RFPL1: variants seen among roughly 807,000 people sequenced by gnomAD.
RFPL1 encodes ret finger protein-like 1.
RFPL1 carries 6 observed loss-of-function variants against 9.6 expected under a neutral mutation model. The observed-to-expected ratio is 0.62, with a 90% confidence interval of 0.34 to 1.23. The LOEUF (loss-of-function observed/expected upper bound fraction) is 1.23. Among genes scored for constraint, RFPL1 ranks in the 50% most tolerant of loss-of-function variants. The pLI is 0.03. For missense variants in RFPL1, 352 were observed against 398.4 expected (o/e 0.88, Z 0.99); for synonymous variants, 145 against 149.4 (o/e 0.97, Z 0.22).
At chr22:29,403,851 C>T in the RFPL1 span, among the ~76,000 whole-genome samples, 3 of 152,290 alleles carry the variant, frequency 2.0e-5, no homozygotes, top group African/African-American at 7.2e-5. Context: ...CTCGACTCCA[C>T]GAAGGGGAAT....
the RFPL1 span, among the ~76,000 whole-genome samples, chr22:29,427,288 C>T: frequency 1.3e-5 from 2 of 152,128 alleles, no homozygotes; most frequent in Non-Finnish European, 2.9e-5. Flanking sequence ...GTGTCTCTGA[C>T]CTCAGGCTGT....
chr22:29,405,972 G>A, the RFPL1 span, among the ~76,000 whole-genome samples: 2 of 150,540 alleles, frequency 1.3e-5, no homozygotes, highest in Non-Finnish European at 3.0e-5. Context: ...AGCCGGGCGC[G>A]GTGGCAGGCG....
At chr22:29,395,176 G>A in the RFPL1 span, among the ~76,000 whole-genome samples, 7 of 152,092 alleles carry the variant, frequency 4.6e-5, no homozygotes, top group East Asian at 1.9e-4. Flanking sequence ...AACCGCCACC[G>A]TTCCCTTCAA....
In RFPL1 at chr22:29,440,439, C is replaced by G. The variant is rs554922044; in HGVS notation, c.374-1103C>G. 7 of 152,234 alleles carry G rather than the reference C, an allele frequency of 4.6e-5. No individual in the cohort carries two copies. The East Asian group carries it at 1.4e-3, about 29-fold the overall frequency. The allele number at this position is 152,234 out of a possible 1,614,324, so 9.4% of individuals were successfully genotyped here. On this transcript the variant is annotated intron_variant, in intron 1 of 1. Coordinates refer to ENST00000354373, the Ensembl canonical transcript of RFPL1. The stretch of plus-strand genomic sequence containing the variant: ...CTCTGGACAATTAATTTTCTTTAGG[C>G]CAGATCACACTGCCTCCTCCATGAG...
At chr22:29,428,208 G>A in the RFPL1 span, among the ~76,000 whole-genome samples, 1 of 152,176 alleles carries the variant, frequency 6.6e-6, no homozygotes, top group Non-Finnish European at 1.5e-5. Context: ...GCATGCAGGA[G>A]TAGCTACACT....
the RFPL1 span, among the ~76,000 whole-genome samples, chr22:29,410,192 G>A: frequency 1.4e-5 from 2 of 142,194 alleles, no homozygotes; most frequent in Admixed American, 7.4e-5. Flanking sequence ...GGAGAGACGC[G>A]AAGATTACCT....
At chr22:29,403,852 G>A in the RFPL1 span, among the ~76,000 whole-genome samples, 3 of 152,184 alleles carry the variant, frequency 2.0e-5, no homozygotes, top group Admixed American at 6.5e-5. Context: ...TCGACTCCAC[G>A]AAGGGGAATT....
chr22:29,395,384 C>A, the RFPL1 span, among the ~76,000 whole-genome samples: 3 of 152,192 alleles, frequency 2.0e-5, no homozygotes, highest in Admixed American at 6.5e-5. Flanking sequence ...TTGTCCATAG[C>A]CTCAGGAACA....
chr22:29,400,179 G>C, the RFPL1 span, among the ~76,000 whole-genome samples: 1 of 151,882 alleles, frequency 6.6e-6, no homozygotes, highest in Non-Finnish European at 1.5e-5. Flanking sequence ...TGTATTTTTA[G>C]TAGAGACGGG....
chr22:29,399,073 G>A, the RFPL1 span, among the ~76,000 whole-genome samples: 5 of 152,192 alleles, frequency 3.3e-5, no homozygotes, highest in Admixed American at 1.3e-4. Context: ...ACTATTGAAT[G>A]AATAGGTGAA....
chr22:29,401,456 C>T, the RFPL1 span, among the ~76,000 whole-genome samples: 1 of 152,192 alleles, frequency 6.6e-6, no homozygotes, highest in African/African-American at 2.4e-5. Flanking sequence ...TGTCTCATTC[C>T]CCACACCTCT....
the RFPL1 span, among the ~76,000 whole-genome samples, chr22:29,418,521 A>C: frequency 1.6e-5 from 2 of 121,444 alleles, no homozygotes; most frequent in African/African-American, 6.4e-5. Flanking sequence ...TTTTTTTGAG[A>C]CTGAGTCTCG....
At chr22:29,415,505 T>G in the RFPL1 span, among the ~76,000 whole-genome samples, 1 of 152,208 alleles carries the variant, frequency 6.6e-6, no homozygotes, top group African/African-American at 2.4e-5. Flanking sequence ...ACCGCGTAGC[T>G]CAAGCTGGCC....
chr22:29,433,343 A>G, the RFPL1 span: 1 of 151,964 alleles, frequency 6.6e-6, no homozygotes, highest in African/African-American at 2.4e-5. Flanking sequence ...CCACATACCT[A>G]GAGTGTGGAT....
At chr22:29,414,148 A>G in the RFPL1 span, among the ~76,000 whole-genome samples, 1 of 151,832 alleles carries the variant, frequency 6.6e-6, no homozygotes, top group African/African-American at 2.4e-5. Flanking sequence ...CTTATTGGAA[A>G]CATCCCTTTC....
chr22:29,426,925 G>A, the RFPL1 span, among the ~76,000 whole-genome samples: 2 of 152,232 alleles, frequency 1.3e-5, no homozygotes, highest in Admixed American at 1.3e-4. Flanking sequence ...CTACCCAGCA[G>A]GGCCATTGAG....
At chr22:29,389,409 G>A in the RFPL1 span, among the ~76,000 whole-genome samples, 1 of 148,408 alleles carries the variant, frequency 6.7e-6, no homozygotes, top group Non-Finnish European at 1.5e-5. Flanking sequence ...AAAAATGGCC[G>A]GGCATGGTGG....
At chr22:29,439,036 C>T (rs376394647) in exon 1 of RFPL1, 13 of 1,614,002 alleles carry the variant, frequency 8.1e-6, no homozygotes, top group Non-Finnish European at 1.0e-5. Context: ...TGTTGCTGTT[C>T]CATGGTCTCT....
chr22:29,407,187 C>T, the RFPL1 span, among the ~76,000 whole-genome samples: 1 of 151,930 alleles, frequency 6.6e-6, no homozygotes, highest in Non-Finnish European at 1.5e-5. Flanking sequence ...TTGACCTCCC[C>T]AGGTTCAGGG....
Sources: gnomAD v4.1 joint callset for allele counts (sites outside exome capture counted in the v4.1 genomes callset) on GRCh38, gnomAD v4.1.1 for gene constraint, MANE v1.5 for transcripts, NCBI Gene and HGNC (gene_info 2026-07-23, HGNC 2026-07-21) for gene names.